Variants in STPG2 observed in about 807,000 individuals in gnomAD.
STPG2 encodes the protein sperm-tail PG-rich repeat-containing protein 2.
In STPG2, 56 loss-of-function variants were observed where a neutral mutation model predicts 54.2. That is an observed-to-expected ratio of 1.03 (90% confidence interval 0.83 to 1.29). STPG2 has a LOEUF of 1.29. Ranked by LOEUF, STPG2 falls within the 50% of genes most tolerant of loss-of-function variation. The probability of loss-of-function intolerance (pLI) is 0.00; values close to 1 mark genes in which losing one functional copy is unlikely to be tolerated. For synonymous variants in STPG2, 200 were observed against 181.8 expected (o/e 1.10, Z -0.81); for missense variants, 596 against 544.9 (o/e 1.09, Z -0.93).
intron 8 of STPG2, among the ~76,000 whole-genome samples, chr4:97,905,305 C>A (rs1731362492): frequency 6.6e-6 from 1 of 152,174 alleles, no homozygotes; most frequent in Admixed American, 6.5e-5. Context: ...CAATATTCAA[C>A]ATTCTTAAAG....
intron 9 of STPG2, among the ~76,000 whole-genome samples, chr4:97,734,664 T>C (rs6532693): frequency 0.42 from 64,405 of 152,006 alleles, 14,176 homozygotes; most frequent in Admixed American, 0.54. Flanking sequence ...GGATCAAATG[T>C]GGTGCAGGAA....
intron 5 of STPG2, among the ~76,000 whole-genome samples, chr4:98,013,263 G>C (rs1357251834): frequency 2.6e-5 from 4 of 152,176 alleles, no homozygotes. Context: ...TTATTCATTT[G>C]CATATGTTAA....
At chr4:97,907,423 G>A (rs1021972456) in intron 8 of STPG2, among the ~76,000 whole-genome samples, 2 of 152,192 alleles carry the variant, frequency 1.3e-5, no homozygotes, top group Non-Finnish European at 2.9e-5. Flanking sequence ...AATCAATATT[G>A]TGAAAATGGC....
chr4:97,618,865 G>T (rs1383997272), intron 10 of STPG2, among the ~76,000 whole-genome samples: 1 of 152,134 alleles, frequency 6.6e-6, no homozygotes, highest in African/African-American at 2.4e-5. Context: ...GTTGTTACTT[G>T]ACATTCATCA....
At chr4:97,752,842 T>A (rs528967387) in intron 9 of STPG2, among the ~76,000 whole-genome samples, 23 of 151,952 alleles carry the variant, frequency 1.5e-4, no homozygotes, top group Non-Finnish European at 3.2e-4. Context: ...TAAAGCCTTT[T>A]CCACCCACCA....
intron 3 of STPG2, among the ~76,000 whole-genome samples, chr4:98,123,858 T>C (rs1299678326): frequency 6.6e-6 from 1 of 152,224 alleles, no homozygotes; most frequent in Admixed American, 6.5e-5. Context: ...TTTATGAATC[T>C]GGGTTCTCCT....
At position 97,634,008 on chromosome 4, in the gene STPG2, C is replaced by T. The variant is rs574544593; in HGVS notation, c.1321-74891G>A. 7.9e-5 allele frequency among the ~76,000 whole-genome samples: 12 copies of T among 152,326 alleles called. No individual in the cohort carries two copies. In the South Asian group the frequency reaches 1.0e-3, roughly 13 times the overall value. ...GCCCACCACAGCTCAAGGAGGCCTG[C>T]GTGCCTCTCTAGGCTCCACCTCTGG... On this transcript the variant is annotated intron_variant, in intron 10 of 10. Transcript: ENST00000295268.
rs553443765 is a variant in STPG2, at chr4:97,705,669, A to G, written c.1320+7030T>C. ...TGGGATTACAGGTATGAGCCACTGC[A>G]CCCAGCCCAGAAATTCTTTATCATA... On this transcript the variant is annotated intron_variant, in intron 10 of 10. Coordinates refer to ENST00000295268, the MANE Select transcript of STPG2 (RefSeq NM_174952.3). 3.0e-4 allele frequency among the ~76,000 whole-genome samples: 46 copies of G among 152,120 alleles called. 1 individual carries two copies. The highest frequency in any genetic ancestry group is 1.1e-3 in the African/African-American group (45 of 41,524).
At position 97,560,330 on chromosome 4, in the gene STPG2, T is replaced by TA. The variant is rs1732192962; in HGVS notation, c.1321-1214dup. Among the ~76,000 whole-genome samples, 5 of 152,302 alleles carry TA rather than the reference T, an allele frequency of 3.3e-5. No homozygotes were observed. The South Asian group carries it at 1.0e-3, about 32-fold the overall frequency. Reference sequence around the variant, plus strand: ...ATGTGCTCTGTCATCAATCATATTGTAAAACTTTGGGTACAGCCATAAGAC... The same window carrying TA: ...ATGTGCTCTGTCATCAATCATATTGTAAAAACTTTGGGTACAGCCATAAGAC... On this transcript the variant is annotated intron_variant, in intron 10 of 10. Coordinates refer to ENST00000295268, the MANE Select transcript of STPG2 (RefSeq NM_174952.3).
chr4:97,556,727 A>G (rs1732086477), downstream of STPG2, among the ~76,000 whole-genome samples: 1 of 152,188 alleles, frequency 6.6e-6, no homozygotes, highest in Admixed American at 6.5e-5. Flanking sequence ...ACTATAAAAA[A>G]CTATAATAAT....
At chr4:98,013,624 T>G (rs1735831188) in intron 5 of STPG2, among the ~76,000 whole-genome samples, 1 of 142,348 alleles carries the variant, frequency 7.0e-6, no homozygotes, top group African/African-American at 2.7e-5. Context: ...AGTAGGCTAT[T>G]AATTACTGCC....
chr4:97,566,467 C>T (rs1487102031), intron 10 of STPG2, among the ~76,000 whole-genome samples: 1 of 152,174 alleles, frequency 6.6e-6, no homozygotes, highest in Non-Finnish European at 1.5e-5. Flanking sequence ...CTGTCTGGCA[C>T]TCCCTAGTGA....
intron 9 of STPG2, among the ~76,000 whole-genome samples, chr4:97,744,178 T>C (rs1297380359): frequency 6.6e-6 from 1 of 151,514 alleles, no homozygotes; most frequent in African/African-American, 2.4e-5. Context: ...GAAACAATGG[T>C]TTCCCAGATG....
rs893234386 is a variant in STPG2 at position 97,610,632 on chromosome 4, A to T, written c.1321-51515T>A. On this transcript the variant is annotated intron_variant, in intron 10 of 10. Transcript: ENST00000295268. ...AGTCACATAGCTGATCAGGAAGTGA[A>T]AGCAGGAGATCCGGCACCAGTCCAG... Among the ~76,000 whole-genome samples the T allele has an allele frequency of 3.9e-5, 6 of 152,142 alleles. No individual in the cohort carries two copies. In the South Asian group the frequency reaches 1.2e-3, roughly 31 times the overall value.
At chr4:97,689,989 ACTC>A (rs2148987456) in intron 10 of STPG2, among the ~76,000 whole-genome samples, 1 of 152,160 alleles carries the variant, frequency 6.6e-6, no homozygotes, top group East Asian at 1.9e-4. Context: ...ATTTCTCTAA[ACTC>A]CTCATTAATA....
intron 8 of STPG2, among the ~76,000 whole-genome samples, chr4:97,867,890 T>C (rs1729849268): frequency 6.6e-6 from 1 of 152,014 alleles, no homozygotes; most frequent in South Asian, 2.1e-4. Context: ...CAAAACATTA[T>C]CACATGGATA....
intron 10 of STPG2, among the ~76,000 whole-genome samples, chr4:97,612,700 T>A (rs1733761536): frequency 6.6e-6 from 1 of 152,084 alleles, no homozygotes; most frequent in Non-Finnish European, 1.5e-5. Context: ...CAGACAGATT[T>A]TAGTTAAGAC....
chr4:97,737,703 G>A (rs1184160388), intron 9 of STPG2, among the ~76,000 whole-genome samples: 3 of 152,134 alleles, frequency 2.0e-5, no homozygotes, highest in African/African-American at 7.2e-5. Flanking sequence ...AAGAAATATG[G>A]GACTATGTGA....
intron 10 of STPG2, among the ~76,000 whole-genome samples, chr4:97,676,068 A>G (rs1166915554): frequency 6.8e-6 from 1 of 147,148 alleles, no homozygotes; most frequent in African/African-American, 2.5e-5. Context: ...TACTAAATAT[A>G]TACTATAGTA....
Sources: allele counts gnomAD v4.1 joint callset (sites outside exome capture counted in the v4.1 genomes callset), GRCh38; gene constraint gnomAD v4.1.1; transcripts MANE v1.5; gene names NCBI Gene and HGNC (gene_info 2026-07-23, HGNC 2026-07-21).